Variants in NINL observed in about 807,000 individuals in gnomAD.
NINL encodes the protein ninein like, also known as ninein-like protein.
In NINL, 153 loss-of-function variants were observed where a neutral mutation model predicts 160.3. The observed-to-expected ratio is 0.95, with a 90% CI of 0.84 to 1.09. The LOEUF is 1.09. NINL is among the 50% of genes least tolerant of loss of function. The pLI, the probability that NINL is intolerant of heterozygous loss-of-function variation, is 0.00. For missense variants in NINL, 1,829 were observed against 1,764.0 expected (o/e 1.04, Z -0.66); for synonymous variants, 800 against 734.8 (o/e 1.09, Z -1.43).
At chr20:25,471,825 A>C (rs1240112689) in intron 17 of NINL, among the ~76,000 whole-genome samples, 3 of 152,190 alleles carry the variant, frequency 2.0e-5, no homozygotes, top group African/African-American at 7.2e-5. Context: ...ATCCCATATA[A>C]GGCTCTTTAT....
chr20:25,550,210 C>G (rs1210842585), intron 1 of NINL, among the ~76,000 whole-genome samples: 1 of 152,158 alleles, frequency 6.6e-6, no homozygotes, highest in Non-Finnish European at 1.5e-5. Flanking sequence ...GCGAGACTGT[C>G]TAGAAAACAG....
intron 5 of NINL, among the ~76,000 whole-genome samples, chr20:25,509,225 G>A (rs1335168966): frequency 6.6e-6 from 1 of 152,136 alleles, no homozygotes; most frequent in Non-Finnish European, 1.5e-5. Context: ...ATGCTGTAAG[G>A]AAGCCCAGCC....
At chr20:25,471,492 G>C (rs928815288) in intron 17 of NINL, among the ~76,000 whole-genome samples, 3 of 152,102 alleles carry the variant, frequency 2.0e-5, no homozygotes, top group Admixed American at 6.6e-5. Context: ...AAGCTGAGGG[G>C]TGCCCTACCC....
chr20:25,545,475 G>C (rs1368116946), intron 1 of NINL, among the ~76,000 whole-genome samples: 1 of 150,880 alleles, frequency 6.6e-6, no homozygotes, highest in Non-Finnish European at 1.5e-5. Flanking sequence ...AAAATTCTGA[G>C]CCCCCCCCCA....
At chr20:25,562,492 T>C (rs1339640261) in intron 1 of NINL, among the ~76,000 whole-genome samples, 4 of 128,108 alleles carry the variant, frequency 3.1e-5, no homozygotes, top group Non-Finnish European at 5.0e-5. Flanking sequence ...TCTGTGACCT[T>C]ACCCCCAACC....
intron 4 of NINL, among the ~76,000 whole-genome samples, chr20:25,511,860 T>A (rs1407608823): frequency 6.6e-6 from 1 of 152,208 alleles, no homozygotes; most frequent in Non-Finnish European, 1.5e-5. Context: ...TGAAAACAAA[T>A]GGTAAACAAG....
intron 21 of NINL, 72 bp downstream of exon 21, chr20:25,461,450 C>A: frequency 3.4e-6 from 3 of 894,596 alleles, no homozygotes; most frequent in Non-Finnish European, 5.2e-6. Flanking sequence ...CCTGGCAACA[C>A]CGTTGGCACT....
intron 16 of NINL, among the ~76,000 whole-genome samples, chr20:25,478,094 G>T (rs920492704): frequency 6.6e-6 from 1 of 151,908 alleles, no homozygotes; most frequent in Admixed American, 6.6e-5. Flanking sequence ...GATTACAGGC[G>T]CCTGCTACCA....
In NINL at chr20:25,479,179, C is replaced by T. The variant is rs1178329718; in HGVS notation, c.1945G>A (p.Ala649Thr). The change falls in exon 16 of 24, where the codon GCA (alanine) becomes ACA (threonine). Residue 649 changes from alanine (A) to threonine (T), a missense_variant. By Grantham distance (58) the Ala-to-Thr change is moderately conservative (BLOSUM62 0). Transcript: ENST00000278886. ...KVNYYEREIAALKRNFEKERK... is the reference protein window; with the variant it reads ...KVNYYEREIATLKRNFEKERK... ...TCCTTCTCAAAGTTCCTTTTCAGTG[C>T]CGCAATTTCCCTTTCGTAGTAATTT... 6.2e-7 allele frequency: 1 copy of T among 1,609,048 alleles called. No homozygotes were observed. The highest frequency in any genetic ancestry group is 8.5e-7 in the Non-Finnish European group (1 of 1,176,702).
chr20:25,531,739 G>A (rs2064467878), intron 1 of NINL, among the ~76,000 whole-genome samples: 1 of 152,138 alleles, frequency 6.6e-6, no homozygotes, highest in Admixed American at 6.5e-5. Context: ...TGTGCCTTTG[G>A]GAAGGTCCAG....
intron 7 of NINL, among the ~76,000 whole-genome samples, chr20:25,501,699 G>A (rs1014456280): frequency 6.6e-6 from 1 of 152,144 alleles, no homozygotes; most frequent in African/African-American, 2.4e-5. Flanking sequence ...TCTCACTGAT[G>A]TTAGCCTCAC....
At chr20:25,561,489 C>T (rs1385603171) in intron 1 of NINL, among the ~76,000 whole-genome samples, 8 of 151,816 alleles carry the variant, frequency 5.3e-5, no homozygotes, top group East Asian at 3.9e-4. Flanking sequence ...TCTGCCTGGC[C>T]GCCCATCGTC....
intron 1 of NINL, among the ~76,000 whole-genome samples, chr20:25,580,913 C>T (rs925479772): frequency 1.3e-5 from 2 of 152,224 alleles, no homozygotes; most frequent in African/African-American, 2.4e-5. Flanking sequence ...ACCTAGATTC[C>T]AGTTACAGCC....
chr20:25,552,378 A>G (rs1218691707), intron 1 of NINL, among the ~76,000 whole-genome samples: 1 of 152,188 alleles, frequency 6.6e-6, no homozygotes, highest in African/African-American at 2.4e-5. Flanking sequence ...CCTCAAAAAG[A>G]ACGCTGACAA....
chr20:25,550,232 G>A (rs1238183035), intron 1 of NINL, among the ~76,000 whole-genome samples: 3 of 152,200 alleles, frequency 2.0e-5, no homozygotes, highest in African/African-American at 4.8e-5. Context: ...AAAATTAGCC[G>A]GGCATGGTGG....
At chr20:25,542,179 A>T (rs2064673715) in intron 1 of NINL, among the ~76,000 whole-genome samples, 1 of 152,180 alleles carries the variant, frequency 6.6e-6, no homozygotes, top group Non-Finnish European at 1.5e-5. Context: ...TTAGGGAATG[A>T]AGCAGACTTT....
At chr20:25,485,782 T>A (rs1477513561) in intron 13 of NINL, among the ~76,000 whole-genome samples, 2 of 152,236 alleles carry the variant, frequency 1.3e-5, no homozygotes, top group African/African-American at 4.8e-5. Context: ...AACTTGGATG[T>A]CATGAAGATC....
chr20:25,505,304 C>T (rs935294904), intron 5 of NINL, among the ~76,000 whole-genome samples: 9 of 137,516 alleles, frequency 6.5e-5, no homozygotes, highest in African/African-American at 2.4e-4. Flanking sequence ...AGAAGGGTGG[C>T]TACAGAGCTG....
chr20:25,474,373 G>C (rs986089083), intron 17 of NINL, among the ~76,000 whole-genome samples: 1 of 152,162 alleles, frequency 6.6e-6, no homozygotes, highest in Non-Finnish European at 1.5e-5. Flanking sequence ...GCCTTGTTAA[G>C]CCACCAAGTC....
Sources: gnomAD v4.1 joint callset for allele counts (sites outside exome capture counted in the v4.1 genomes callset) on GRCh38, gnomAD v4.1.1 for gene constraint, MANE v1.5 for transcripts, NCBI Gene and HGNC (gene_info 2026-07-23, HGNC 2026-07-21) for gene names.